RBKS: variants seen among roughly 807,000 people sequenced by gnomAD.
The protein encoded by RBKS is ribokinase.
A neutral mutation model predicts 33.9 loss-of-function variants in RBKS; 33 were observed. The ratio of observed to expected loss-of-function variants is 0.97; its 90% CI spans 0.74 to 1.30. The LOEUF (loss-of-function observed/expected upper bound fraction) is 1.30, where lower values mean the gene tolerates loss of function less well. Among genes scored for constraint, RBKS ranks in the 50% most tolerant of loss-of-function variants. The pLI is 0.00. For synonymous variants in RBKS, 125 were observed against 143.0 expected (o/e 0.87, Z 0.90); for missense variants, 361 against 392.6 (o/e 0.92, Z 0.68).
At chr2:27,874,286 C>T (rs896787062) in intron 1 of RBKS, among the ~76,000 whole-genome samples, 6 of 152,166 alleles carry the variant, frequency 3.9e-5, no homozygotes, top group Non-Finnish European at 8.8e-5. Flanking sequence ...GTCCATTCTC[C>T]GCATATATTT....
At chr2:27,864,291 G>T (rs1664044846) in intron 1 of RBKS, among the ~76,000 whole-genome samples, 2 of 152,130 alleles carry the variant, frequency 1.3e-5, no homozygotes, top group African/African-American at 4.8e-5. Flanking sequence ...CCAAAGCACT[G>T]ATATTACAGG....
At chr2:27,802,430 T>G (rs1300966342) in intron 7 of RBKS, among the ~76,000 whole-genome samples, 2 of 148,992 alleles carry the variant, frequency 1.3e-5, no homozygotes, top group Admixed American at 6.7e-5. Flanking sequence ...GAACATATGT[T>G]TGTGTGTGTG....
chr2:27,866,485 CT>C (rs1042480266), intron 1 of RBKS, among the ~76,000 whole-genome samples: 4 of 152,138 alleles, frequency 2.6e-5, no homozygotes, highest in Non-Finnish European at 5.9e-5. Context: ...TTTTCAAACG[CT>C]TTTAGTGCCT....
intron 1 of RBKS, among the ~76,000 whole-genome samples, chr2:27,885,253 A>T (rs748413945): frequency 1.3e-5 from 2 of 152,188 alleles, no homozygotes; most frequent in Non-Finnish European, 2.9e-5. Flanking sequence ...CTTTCAAGCT[A>T]CCATCATTTC....
At chr2:27,787,321 A>G (rs572247415) in intron 7 of RBKS, among the ~76,000 whole-genome samples, 1 of 152,254 alleles carries the variant, frequency 6.6e-6, no homozygotes, top group African/African-American at 2.4e-5. Flanking sequence ...AGTCCTAGCT[A>G]CCTGGGAGGC....
chr2:27,806,127 G>A (rs545800505), intron 7 of RBKS, among the ~76,000 whole-genome samples: 15 of 151,386 alleles, frequency 9.9e-5, no homozygotes, highest in East Asian at 1.9e-4. Flanking sequence ...CAAACGATTC[G>A]CCCGCCTCGG....
intron 5 of RBKS, among the ~76,000 whole-genome samples, chr2:27,838,282 A>G (rs1256220761): frequency 6.6e-6 from 1 of 152,186 alleles, no homozygotes; most frequent in Non-Finnish European, 1.5e-5. Flanking sequence ...AAAGTAGAAA[A>G]AAAGACTGGC....
chr2:27,781,708 G>C lies in RBKS; in HGVS notation c.876C>G (p.Asn292Lys). Residue 292 changes from asparagine to lysine, a missense_variant, in exon 8 of 8, where the codon AAC becomes AAG. Asn to Lys is a moderately conservative substitution (Grantham distance 94, BLOSUM62 0). Transcript: ENST00000302188. ...TGACTGCTGCAATGAAATTGGATCTGTTGAGCATGTCTTCCAAGGACAGAT... is the reference window on the plus strand; with the variant it reads ...TGACTGCTGCAATGAAATTGGATCTCTTGAGCATGTCTTCCAAGGACAGAT... The part of the protein sequence containing the change: ...YPNLSLEDML[N>K]RSNFIAAVSV... 1 of 1,614,128 alleles carries C rather than the reference G, an allele frequency of 6.2e-7. No homozygotes were observed. Among genetic ancestry groups the C allele is most frequent in the South Asian group, 1.1e-5 (1 of 91,076 alleles).
chr2:27,853,581 C>T (rs1211456591), intron 2 of RBKS, among the ~76,000 whole-genome samples: 6 of 151,850 alleles, frequency 4.0e-5, no homozygotes, highest in African/African-American at 9.7e-5. Flanking sequence ...CACCTGAGCC[C>T]GGGGAGGTTG....
chr2:27,837,039 G>A lies in RBKS; in HGVS notation c.515-4262C>T, dbSNP rs1678538546. On this transcript the variant is annotated intron_variant, in intron 5 of 7. Transcript: ENST00000302188. The surrounding 1 kb of genome is among the most constrained non-coding windows in gnomAD (Gnocchi z 4.0). Reference sequence around the variant, plus strand: ...TGTAATCCCAGCACTTTGGGCGGCCGAGGCAGGCAGATCACGAGGATCGGG... The same window carrying A: ...TGTAATCCCAGCACTTTGGGCGGCCAAGGCAGGCAGATCACGAGGATCGGG... 6.6e-6 allele frequency among the ~76,000 whole-genome samples: 1 copy of A among 152,030 alleles called. No individual in the cohort carries two copies. Among genetic ancestry groups the A allele is most frequent in the African/African-American group, 2.4e-5 (1 of 41,308 alleles).
intron 2 of RBKS, among the ~76,000 whole-genome samples, chr2:27,854,227 G>A (rs1431742157): frequency 3.3e-5 from 5 of 152,120 alleles, no homozygotes; most frequent in African/African-American, 9.7e-5. Flanking sequence ...TATATTCAAC[G>A]GTTGTAAAGT....
At chr2:27,870,867 T>C (rs1664195777) in intron 1 of RBKS, 1 of 460,362 alleles carries the variant, frequency 2.2e-6, no homozygotes, top group South Asian at 1.5e-5. Context: ...AAAGTGCACA[T>C]AACATATCCT....
intron 3 of RBKS, 142 bp downstream of exon 3, chr2:27,847,892 C>A: frequency 1.6e-6 from 1 of 622,006 alleles, no homozygotes; most frequent in Non-Finnish European, 2.9e-6. Context: ...GACATTTAAG[C>A]AAGAATGGAC....
At chr2:27,840,327 TACACACACACAC>T (rs544313433) in intron 5 of RBKS, among the ~76,000 whole-genome samples, 5 of 117,810 alleles carry the variant, frequency 4.2e-5, no homozygotes, top group Non-Finnish European at 8.8e-5. Flanking sequence ...GATGATGCAT[TACACACACACAC>T]ACACACACAC....
intron 7 of RBKS, among the ~76,000 whole-genome samples, chr2:27,822,638 G>C (rs1054216572): frequency 1.3e-5 from 2 of 152,236 alleles, no homozygotes; most frequent in African/African-American, 4.8e-5. Flanking sequence ...TCCTAATTTA[G>C]AGTTAACTCT....
intron 2 of RBKS, among the ~76,000 whole-genome samples, chr2:27,851,835 G>A (rs1249975146): frequency 2.0e-5 from 3 of 152,090 alleles, no homozygotes; most frequent in Non-Finnish European, 2.9e-5. Flanking sequence ...CACCACACCC[G>A]GCTGTCATGT....
chr2:27,846,732 A>G (rs1373537308), intron 4 of RBKS, among the ~76,000 whole-genome samples: 1 of 152,204 alleles, frequency 6.6e-6, no homozygotes, highest in Non-Finnish European at 1.5e-5. Flanking sequence ...TTTAGAGACA[A>G]ATGTCAATTA....
chr2:27,828,214 G>A (rs535303521), intron 6 of RBKS, among the ~76,000 whole-genome samples: 23 of 152,160 alleles, frequency 1.5e-4, no homozygotes, highest in Admixed American at 1.1e-3. Flanking sequence ...CAAATGTTTA[G>A]GTGAAATGTA....
chr2:27,801,992 A>ATATATTT (rs1558536561), intron 7 of RBKS, among the ~76,000 whole-genome samples: 5 of 42,692 alleles, frequency 1.2e-4, no homozygotes, highest in African/African-American at 6.7e-4. Context: ...ATATATATAT[A>ATATATTT]TTTTTTTTTT....
Sources: gnomAD v4.1 joint callset for allele counts (sites outside exome capture counted in the v4.1 genomes callset) on GRCh38, gnomAD v4.1.1 for gene constraint, Gnocchi (gnomAD v3.1) non-coding constraint, MANE v1.5 for transcripts, NCBI Gene and HGNC (gene_info 2026-07-23, HGNC 2026-07-21) for gene names.